Variants in CCDC171 observed in about 807,000 individuals in gnomAD.
CCDC171 encodes the protein coiled-coil domain containing 171.
In CCDC171, 177 loss-of-function variants were observed where a neutral mutation model predicts 168.2. That is an observed-to-expected ratio of 1.05 (90% CI 0.93 to 1.19). The LOEUF (loss-of-function observed/expected upper bound fraction) is 1.19, where lower values mean the gene tolerates loss of function less well. Among genes scored for constraint, CCDC171 ranks in the 50% most tolerant of loss-of-function variants. The pLI is 0.00. For missense variants in CCDC171, 1,991 were observed against 1,539.0 expected (o/e 1.29, Z -4.91); for synonymous variants, 687 against 540.8 (o/e 1.27, Z -3.75).
At chr9:15,709,036 G>C (rs1483839078) in intron 11 of CCDC171, among the ~76,000 whole-genome samples, 1 of 151,972 alleles carries the variant, frequency 6.6e-6, no homozygotes, top group East Asian at 1.9e-4. Context: ...CGAGGGGAAA[G>C]GAACAGTACC....
At chr9:16,034,531 C>T (rs1833428726) in intron 6 of CCDC171, among the ~76,000 whole-genome samples, 1 of 152,102 alleles carries the variant, frequency 6.6e-6, no homozygotes, top group Non-Finnish European at 1.5e-5. Flanking sequence ...GGAGTGCAAC[C>T]AAGGTTCAGT....
At chr9:15,983,817 A>AGTGTGTGTGTGTGTGTGT (rs58951910) in intron 3 of CCDC171, among the ~76,000 whole-genome samples, 7 of 142,526 alleles carry the variant, frequency 4.9e-5, no homozygotes, top group African/African-American at 1.6e-4. Context: ...AAATAAAGAG[A>AGTGTGTGTGTGTGTGTGT]GTGTGTGTGT....
chr9:15,732,662 A>G (rs2054224596), intron 16 of CCDC171, among the ~76,000 whole-genome samples: 1 of 152,166 alleles, frequency 6.6e-6, no homozygotes, highest in Non-Finnish European at 1.5e-5. Flanking sequence ...GTCCCATTGT[A>G]TGGCTGTAAA....
rs59603926 is a variant in CCDC171 at position 15,958,516 on chromosome 9, GTATTATATTA to G, written c.3754-13055_3754-13046del. 6.8e-3 allele frequency among the ~76,000 whole-genome samples: 927 copies of G among 136,640 alleles called. 5 individuals carry two copies. Among genetic ancestry groups the G allele is most frequent in the African/African-American group, 0.015 (528 of 36,044 alleles). The allele number at this position is 136,640 out of a possible 152,430, so 89.6% of individuals were successfully genotyped here. On this transcript the variant is annotated intron_variant, in intron 25 of 25. Transcript: ENST00000380701. ...GGTGTTATAATAACACGGAGGTGAG[GTATTATATTA>G]TATTATATTATATTATATTATATTA...
At position 15,666,154 on chromosome 9, in the gene CCDC171, G is replaced by A. The variant is rs200082488; in HGVS notation, c.916-9G>A. The A allele has an allele frequency of 2.5e-4, 407 of 1,612,020 alleles. 1 individual carries two copies. The African/African-American group carries it at 3.8e-3, about 15-fold the overall frequency. ...AGCTTGATTTAATTACTTGTCTGTC[G>A]TCCGGTAGTTACGGATTCGAGACCT... is the stretch of plus-strand genomic sequence containing the variant. On this transcript the variant is annotated splice_polypyrimidine_tract_variant and intron_variant, in intron 8 of 25. Coordinates refer to ENST00000380701, the MANE Select transcript of CCDC171 (RefSeq NM_173550.4).
the CCDC171 span, among the ~76,000 whole-genome samples, chr9:16,075,931 G>A: frequency 2.0e-5 from 3 of 152,196 alleles, no homozygotes; most frequent in African/African-American, 7.2e-5. Flanking sequence ...CATCCCACCA[G>A]TAAGCACACT....
At chr9:16,079,926 C>G in the CCDC171 span, among the ~76,000 whole-genome samples, 1 of 152,170 alleles carries the variant, frequency 6.6e-6, no homozygotes, top group African/African-American at 2.4e-5. Context: ...CATGAGGAAA[C>G]TGAGGCACAG....
chr9:15,564,018 A>C lies in CCDC171; in HGVS notation c.-71A>C. On this transcript the variant is annotated 5_prime_UTR_variant, in exon 2 of 26. Coordinates refer to ENST00000380701, the MANE Select transcript of CCDC171 (RefSeq NM_173550.4). ...ACGTGAAGCCACAGACATCTTGGGC[A>C]ATTTTAATCATCAAGAAAGAAATAT... 8.0e-7 allele frequency: 1 copy of C among 1,245,632 alleles called. No individual in the cohort carries two copies. The highest frequency in any genetic ancestry group is 1.2e-6 in the Non-Finnish European group (1 of 858,686). 77.2% of individuals were successfully genotyped at this position (1,245,632 alleles called of 1,614,324 possible).
At chr9:15,869,557 C>T (rs560161720) in intron 23 of CCDC171, among the ~76,000 whole-genome samples, 3 of 149,412 alleles carry the variant, frequency 2.0e-5, no homozygotes, top group East Asian at 2.0e-4. Context: ...CTGTGTATTA[C>T]AGAGTATATG....
intron 1 of CCDC171, among the ~76,000 whole-genome samples, chr9:16,060,485 C>T (rs1833917416): frequency 6.6e-6 from 1 of 152,244 alleles, no homozygotes; most frequent in African/African-American, 2.4e-5. Context: ...CGCTTGCTGC[C>T]AAGCAGGGGT....
intron 8 of CCDC171, among the ~76,000 whole-genome samples, chr9:15,661,296 A>AGC (rs58898028): frequency 7.1e-6 from 1 of 141,502 alleles, no homozygotes; most frequent in Non-Finnish European, 1.5e-5. Flanking sequence ...AAAAAAAAAA[A>AGC]AAAAGTAACA....
At chr9:15,718,313 A>G (rs1233448225) in intron 11 of CCDC171, among the ~76,000 whole-genome samples, 1 of 152,190 alleles carries the variant, frequency 6.6e-6, no homozygotes, top group Non-Finnish European at 1.5e-5. Flanking sequence ...TCAGTAGAAT[A>G]GAGTACCAGG....
At chr9:15,615,609 T>G (rs1047837822) in intron 6 of CCDC171, among the ~76,000 whole-genome samples, 1 of 152,170 alleles carries the variant, frequency 6.6e-6, no homozygotes, top group Non-Finnish European at 1.5e-5. Context: ...ATAAACATCA[T>G]AAGCTCTAAC....
At chr9:15,657,323 G>A in intron 8 of CCDC171, 104 bp downstream of exon 8, 1 of 644,824 alleles carries the variant, frequency 1.6e-6, no homozygotes, top group Non-Finnish European at 2.8e-6. Context: ...CATTGAGAAT[G>A]GGTAACATAT....
chr9:15,807,453 G>A (rs1044455768), intron 21 of CCDC171, among the ~76,000 whole-genome samples: 2 of 152,118 alleles, frequency 1.3e-5, no homozygotes, highest in South Asian at 2.1e-4. Flanking sequence ...TTGTAAGGAC[G>A]GGGATAGAAT....
chr9:15,804,701 T>G (rs898878749), intron 21 of CCDC171, among the ~76,000 whole-genome samples: 2 of 152,128 alleles, frequency 1.3e-5, no homozygotes, highest in African/African-American at 2.4e-5. Context: ...TTGTCTTGTT[T>G]TGTTTATCTC....
chr9:15,644,556 T>A (rs908769848), intron 7 of CCDC171, among the ~76,000 whole-genome samples: 5 of 152,184 alleles, frequency 3.3e-5, no homozygotes. Context: ...ATACTGCACT[T>A]TTCCAGTGGT....
At chr9:15,562,498 T>C (rs1449501040) in intron 1 of CCDC171, among the ~76,000 whole-genome samples, 1 of 152,168 alleles carries the variant, frequency 6.6e-6, no homozygotes, top group East Asian at 1.9e-4. Flanking sequence ...GATTTGAAGA[T>C]GTTAGGTGCC....
At chr9:16,094,044 G>A in the CCDC171 span, among the ~76,000 whole-genome samples, 26 of 152,330 alleles carry the variant, frequency 1.7e-4, no homozygotes, top group African/African-American at 6.0e-4. Context: ...GTGGCTAAGA[G>A]CATGGACTCA....
Sources: gnomAD v4.1 joint callset for allele counts (sites outside exome capture counted in the v4.1 genomes callset) on GRCh38, gnomAD v4.1.1 for gene constraint, MANE v1.5 for transcripts, NCBI Gene and HGNC (gene_info 2026-07-23, HGNC 2026-07-21) for gene names.